The following ANKRD6 variants were observed in gnomAD, a reference collection of about 807,000 sequenced individuals.
ANKRD6 encodes ankyrin repeat domain 6.
A neutral mutation model predicts 82.3 loss-of-function variants in ANKRD6; 56 were observed. The ratio of observed to expected loss-of-function variants is 0.68; its 90% CI spans 0.55 to 0.85. ANKRD6 has a LOEUF of 0.85. Among genes scored for constraint, ANKRD6 ranks in the 40% least tolerant of loss-of-function variants. The probability of loss-of-function intolerance (pLI) is 0.00; values close to 1 mark genes in which losing one functional copy is unlikely to be tolerated. For missense variants in ANKRD6, 852 were observed against 907.6 expected (o/e 0.94, Z 0.79); for synonymous variants, 347 against 352.1 (o/e 0.99, Z 0.16).
chr6:89,475,067 A>G lies in ANKRD6; in HGVS notation c.-144+41692A>G, dbSNP rs867861013. The stretch of plus-strand genomic sequence containing the variant: ...TTATTTTCCAAGTTTAGCTTAACCT[A>G]TATTCTTGACCTGATCAGAATTTTT... On this transcript the variant is annotated intron_variant, in intron 1 of 15. Coordinates refer to ENST00000339746, the MANE Select transcript of ANKRD6 (RefSeq NM_001242809.2). Among the ~76,000 whole-genome samples the G allele has an allele frequency of 1.3e-3, 201 of 152,308 alleles. 1 individual carries two copies. Among genetic ancestry groups the G allele is most frequent in the African/African-American group, 4.5e-3 (188 of 41,574 alleles).
chr6:89,588,059 G>A (rs1411987026), intron 2 of ANKRD6, among the ~76,000 whole-genome samples: 1 of 152,088 alleles, frequency 6.6e-6, no homozygotes, highest in Non-Finnish European at 1.5e-5. Context: ...ACCATTCCAG[G>A]CTGTTGAAGC....
chr6:89,475,490 A>T (rs1255169280), intron 1 of ANKRD6, among the ~76,000 whole-genome samples: 2 of 152,250 alleles, frequency 1.3e-5, no homozygotes, highest in African/African-American at 4.8e-5. Context: ...GAACATGCAG[A>T]GTTGTAGCAC....
intron 9 of ANKRD6, chr6:89,621,635 A>G (rs1803346607): frequency 2.1e-5 from 8 of 380,638 alleles, no homozygotes; most frequent in South Asian, 2.1e-4. Flanking sequence ...CTGTGCATGT[A>G]GTTGGCAGTC....
intron 1 of ANKRD6, among the ~76,000 whole-genome samples, chr6:89,558,464 C>T (rs966875812): frequency 7.9e-5 from 12 of 152,082 alleles, no homozygotes; most frequent in East Asian, 5.8e-4. Flanking sequence ...GGAAATAAGC[C>T]GGTCTGAAAA....
At chr6:89,587,704 A>G (rs932247407) in intron 2 of ANKRD6, among the ~76,000 whole-genome samples, 1 of 152,198 alleles carries the variant, frequency 6.6e-6, no homozygotes, top group Admixed American at 6.5e-5. Context: ...TCTTTTTAAA[A>G]TTAGCCTATT....
intron 1 of ANKRD6, among the ~76,000 whole-genome samples, chr6:89,471,594 T>G (rs1472802500): frequency 6.7e-6 from 1 of 148,662 alleles, no homozygotes; most frequent in Non-Finnish European, 1.5e-5. Flanking sequence ...AGGAAGGAAA[T>G]AGGTATGTGT....
At chr6:89,602,721 A>G (rs1361007129) in intron 3 of ANKRD6, 5 of 356,320 alleles carry the variant, frequency 1.4e-5, no homozygotes, top group African/African-American at 6.1e-5. Flanking sequence ...TGTGATAGTC[A>G]TAGCCCCTGG....
chr6:89,603,349 G>C (rs1419459785), intron 4 of ANKRD6, among the ~76,000 whole-genome samples: 4 of 131,544 alleles, frequency 3.0e-5, no homozygotes, highest in East Asian at 4.3e-4. Context: ...TTTTTGGAGA[G>C]AGGGTCTCAC....
At chr6:89,446,884 T>G (rs895730558) in intron 1 of ANKRD6, among the ~76,000 whole-genome samples, 3 of 152,202 alleles carry the variant, frequency 2.0e-5, no homozygotes, top group Admixed American at 1.3e-4. Flanking sequence ...TTCCCCCTTT[T>G]GATTGGCACT....
chr6:89,463,660 T>G lies in ANKRD6; in HGVS notation c.-144+30285T>G, dbSNP rs566065522. Among the ~76,000 whole-genome samples the G allele has an allele frequency of 5.3e-5, 8 of 152,244 alleles. No individual in the cohort carries two copies. In the East Asian group the frequency reaches 1.5e-3, roughly 29 times the overall value. ...GCCTCCTGGGTTCAAGCAATTCTCC[T>G]GCCTCAGCCTCCCGAGTAGCTGGGA... On this transcript the variant is annotated intron_variant, in intron 1 of 15. Coordinates refer to ENST00000339746, the MANE Select transcript of ANKRD6 (RefSeq NM_001242809.2).
At chr6:89,584,704 AACATCAGTGTAATCT>A (rs1259744675) in intron 2 of ANKRD6, among the ~76,000 whole-genome samples, 3 of 152,262 alleles carry the variant, frequency 2.0e-5, no homozygotes, top group African/African-American at 7.2e-5. Flanking sequence ...AGACTGGGTC[AACATCAGTGTAATCT>A]ACCATATCAA....
chr6:89,571,152 C>T (rs1206557233), intron 2 of ANKRD6, among the ~76,000 whole-genome samples: 9 of 152,166 alleles, frequency 5.9e-5, no homozygotes, highest in Non-Finnish European at 8.8e-5. Flanking sequence ...CCCGGGTTCA[C>T]GCCATTCTCC....
At chr6:89,563,175 A>G (rs1787734616) in intron 1 of ANKRD6, among the ~76,000 whole-genome samples, 1 of 152,242 alleles carries the variant, frequency 6.6e-6, no homozygotes, top group South Asian at 2.1e-4. Flanking sequence ...CAAACCTTAT[A>G]GACCTTTTTC....
chr6:89,630,824 C>T lies in ANKRD6; in HGVS notation c.2004C>T (p.Thr668=). Residue 668 remains threonine (T), a synonymous_variant, in exon 16 of 16, where the codon ACC becomes ACT. Coordinates refer to ENST00000339746, the MANE Select transcript of ANKRD6 (RefSeq NM_001242809.2). The stretch of plus-strand genomic sequence containing the variant: ...ACACCTCCCAAGCTCTGGAGCTTAC[C>T]CAGTATTTTTTTGAGGCTGTTTCTA... ...IRDTSQALEL[T]QYFFEAVSTQ... 1.2e-6 allele frequency: 2 copies of T among 1,613,924 alleles called. No homozygotes were observed. The highest frequency in any genetic ancestry group is 1.7e-6 in the Non-Finnish European group (2 of 1,179,894).
chr6:89,456,464 C>A (rs939547071), intron 1 of ANKRD6, among the ~76,000 whole-genome samples: 1 of 152,166 alleles, frequency 6.6e-6, no homozygotes, highest in African/African-American at 2.4e-5. Flanking sequence ...CAGATGGCCA[C>A]CTTCTCTCTG....
intron 1 of ANKRD6, among the ~76,000 whole-genome samples, chr6:89,454,073 G>T (rs1582678704): frequency 1.3e-5 from 2 of 152,282 alleles, no homozygotes; most frequent in Middle Eastern, 6.8e-3. Context: ...AAAGTGCTGG[G>T]ATTACAGGCA....
intron 1 of ANKRD6, among the ~76,000 whole-genome samples, chr6:89,439,773 A>G (rs1771131200): frequency 6.6e-6 from 1 of 152,166 alleles, no homozygotes; most frequent in Non-Finnish European, 1.5e-5. Flanking sequence ...ATCTTGGCTT[A>G]CTGCAAACCC....
intron 1 of ANKRD6, among the ~76,000 whole-genome samples, chr6:89,547,199 G>A (rs398089054): frequency 6.4e-4 from 3 of 4,660 alleles, no homozygotes; most frequent in Non-Finnish European, 1.4e-3. Flanking sequence ...TTGTTATTTG[G>A]GGGGGGGGTT....
chr6:89,599,129 T>C (rs376600827), intron 3 of ANKRD6, among the ~76,000 whole-genome samples: 10 of 152,270 alleles, frequency 6.6e-5, no homozygotes, highest in African/African-American at 2.4e-4. Flanking sequence ...TCCCAGTGCT[T>C]TGCGTGGCTA....
Sources: allele counts gnomAD v4.1 joint callset (sites outside exome capture counted in the v4.1 genomes callset), GRCh38; gene constraint gnomAD v4.1.1; transcripts MANE v1.5; gene names NCBI Gene and HGNC (gene_info 2026-07-23, HGNC 2026-07-21).